Variants in POFUT1 observed in about 807,000 individuals in gnomAD.
POFUT1 encodes protein O-fucosyltransferase 1.
In POFUT1, 16 loss-of-function variants were observed where a neutral mutation model predicts 42.4. The ratio of observed to expected loss-of-function variants is 0.38; its 90% CI spans 0.26 to 0.57. The LOEUF is 0.57. Among genes scored for constraint, POFUT1 ranks in the 20% least tolerant of loss-of-function variants. The pLI is 0.71. For missense variants in POFUT1, 470 were observed against 504.6 expected (o/e 0.93, Z 0.66); for synonymous variants, 206 against 205.4 (o/e 1.00, Z -0.03).
At chr20:32,209,749 A>G (rs767886746) in intron 1 of POFUT1, among the ~76,000 whole-genome samples, 3 of 152,344 alleles carry the variant, frequency 2.0e-5, no homozygotes, top group South Asian at 4.1e-4. Flanking sequence ...TTGCCCGTCC[A>G]TGTGCAGGTG....
intron 4 of POFUT1, among the ~76,000 whole-genome samples, chr20:32,221,287 CAG>C (rs2047389815): frequency 6.6e-6 from 1 of 152,164 alleles, no homozygotes; most frequent in African/African-American, 2.4e-5. Context: ...AGAATGGAAT[CAG>C]AGAGTGAAGC....
intron 6 of POFUT1, among the ~76,000 whole-genome samples, chr20:32,231,697 G>A (rs920461989): frequency 3.9e-5 from 6 of 152,186 alleles, no homozygotes; most frequent in Admixed American, 2.6e-4. Flanking sequence ...GGACTGAATA[G>A]TACCTATCTC....
intron 2 of POFUT1, 144 bp downstream of exon 2, chr20:32,210,336 A>G (rs2047320876): frequency 2.5e-6 from 2 of 795,456 alleles, no homozygotes; most frequent in Admixed American, 1.9e-5. Flanking sequence ...CACTGCAATA[A>G]CAATGCCTAA....
intron 4 of POFUT1, among the ~76,000 whole-genome samples, chr20:32,227,002 G>T (rs2047417744): frequency 6.6e-6 from 1 of 152,140 alleles, no homozygotes; most frequent in Admixed American, 6.6e-5. Context: ...ATGCCTAACT[G>T]CCAAACTGTT....
In POFUT1 at chr20:32,228,468, T is replaced by G. The variant is rs891779880; in HGVS notation, c.735+13T>G. On this transcript the variant is annotated intron_variant, in intron 5 of 6. Coordinates refer to ENST00000375749, the MANE Select transcript of POFUT1 (RefSeq NM_015352.2). ...TGGCTCTGACTGGGTAACTTCCCCC[T>G]TCCTCTCTCACTGGCTAACTTGGAT... is the stretch of plus-strand genomic sequence containing the variant. 2 of 1,610,900 alleles carry G rather than the reference T, an allele frequency of 1.2e-6. No individual in the cohort carries two copies. Among genetic ancestry groups the G allele is most frequent in the Admixed American group, 3.3e-5 (2 of 59,926 alleles).
At chr20:32,226,450 G>A (rs1379771478) in intron 4 of POFUT1, among the ~76,000 whole-genome samples, 1 of 138,420 alleles carries the variant, frequency 7.2e-6, no homozygotes, top group African/African-American at 3.1e-5. Context: ...GTGAGTGCAT[G>A]CCTGTGTGTG....
At chr20:32,231,756 C>G (rs939231848) in intron 6 of POFUT1, among the ~76,000 whole-genome samples, 2 of 152,112 alleles carry the variant, frequency 1.3e-5, no homozygotes, top group Non-Finnish European at 2.9e-5. Flanking sequence ...ACAGTTCCTG[C>G]TACAAAATAA....
intron 4 of POFUT1, chr20:32,223,778 C>T (rs570091099): frequency 1.2e-6 from 1 of 823,806 alleles, no homozygotes; most frequent in African/African-American, 1.8e-5. Flanking sequence ...GGCTGGGAAT[C>T]AGAAGATTAA....
Position 32,234,681 on chromosome 20 carries a change from C to G in POFUT1, c.*20C>G, listed in dbSNP as rs919249163. On this transcript the variant is annotated 3_prime_UTR_variant, in exon 7 of 7. Coordinates refer to ENST00000375749, the MANE Select transcript of POFUT1 (RefSeq NM_015352.2). ...TTCTGATTCTGGCCGGAGCACCAGA[C>G]CCTCTGATCCTGGAGGGACCAGAGT... is the stretch of plus-strand genomic sequence containing the variant. 1 of 1,582,510 alleles carries G rather than the reference C, an allele frequency of 6.3e-7. No homozygotes were observed. The highest frequency in any genetic ancestry group is 8.6e-7 in the Non-Finnish European group (1 of 1,162,582).
intron 2 of POFUT1, among the ~76,000 whole-genome samples, chr20:32,210,562 G>C (rs887530166): frequency 4.6e-5 from 7 of 152,180 alleles, no homozygotes; most frequent in Non-Finnish European, 1.0e-4. Flanking sequence ...TTCCCTGATT[G>C]GTCCTACCCT....
At chr20:32,223,075 C>T (rs936611723) in intron 4 of POFUT1, 16 of 985,290 alleles carry the variant, frequency 1.6e-5, no homozygotes, top group Non-Finnish European at 1.2e-6. Context: ...ATACTGGACA[C>T]ATAAATGGAT....
intron 4 of POFUT1, among the ~76,000 whole-genome samples, chr20:32,221,868 T>C (rs922072478): frequency 6.6e-6 from 1 of 152,182 alleles, no homozygotes; most frequent in Non-Finnish European, 1.5e-5. Flanking sequence ...GCTACAAGTC[T>C]AGGTGTGTCA....
chr20:32,222,570 T>C (rs2047396127), intron 4 of POFUT1: 2 of 984,078 alleles, frequency 2.0e-6, no homozygotes, highest in Non-Finnish European at 2.4e-6. Context: ...TGTCTGTCTT[T>C]CTTTTTCTTT....
chr20:32,215,468 CG>C lies in POFUT1; in HGVS notation c.429+22del, dbSNP rs1569152554. ...CCCATGAAGGTGGGTCCTGTGGGTT[CG>C]GGGGCCCTTTCTTCCTGTTCCATGT... is the stretch of plus-strand genomic sequence containing the variant. On this transcript the variant is annotated intron_variant, in intron 3 of 6. Transcript: ENST00000375749. 6.3e-7 allele frequency: 1 copy of C among 1,592,848 alleles called. No individual in the cohort carries two copies. Among genetic ancestry groups the C allele is most frequent in the Middle Eastern group, 2.1e-4 (1 of 4,754 alleles).
At chr20:32,220,452 T>C (rs978872748) in intron 4 of POFUT1, among the ~76,000 whole-genome samples, 2 of 152,168 alleles carry the variant, frequency 1.3e-5, no homozygotes, top group Non-Finnish European at 2.9e-5. Context: ...ATCTAAAGGC[T>C]TGACCAAGGC....
At chr20:32,222,773 T>C (rs2047397117) in intron 4 of POFUT1, 6 of 985,358 alleles carry the variant, frequency 6.1e-6, no homozygotes, top group Non-Finnish European at 7.2e-6. Context: ...CTAATTCAGC[T>C]GACGCTTACT....
At chr20:32,217,500 A>G (rs1452363525) in intron 4 of POFUT1, 1 of 989,370 alleles carries the variant, frequency 1.0e-6, no homozygotes, top group Admixed American at 5.9e-5. Context: ...TAATCCCAGC[A>G]CTTTGGGAGG....
chr20:32,209,596 A>G (rs2047315707), intron 1 of POFUT1, among the ~76,000 whole-genome samples: 1 of 152,234 alleles, frequency 6.6e-6, no homozygotes, highest in Non-Finnish European at 1.5e-5. Context: ...GGAATCAGCC[A>G]GTACGAAGGC....
rs751153243 is a variant in POFUT1 at position 32,236,072 on chromosome 20, C to T, written c.*1411C>T. 6.6e-6 allele frequency: 1 copy of T among 152,262 alleles called. No homozygotes were observed. Among genetic ancestry groups the T allele is most frequent in the Non-Finnish European group, 1.5e-5 (1 of 68,086 alleles). 9.4% of individuals were successfully genotyped at this position (152,262 alleles called of 1,614,324 possible). On this transcript the variant is annotated 3_prime_UTR_variant, in exon 7 of 7. Coordinates refer to ENST00000375749, the MANE Select transcript of POFUT1 (RefSeq NM_015352.2). Reference sequence around the variant, plus strand: ...CCAACTCTAAGCAGGAGAAACTGTACAGAAAGGGCTTTGCTATTTTTCCCT... The same window carrying T: ...CCAACTCTAAGCAGGAGAAACTGTATAGAAAGGGCTTTGCTATTTTTCCCT...
Sources: gnomAD v4.1 joint callset for allele counts (sites outside exome capture counted in the v4.1 genomes callset) on GRCh38, gnomAD v4.1.1 for gene constraint, MANE v1.5 for transcripts, NCBI Gene and HGNC (gene_info 2026-07-23, HGNC 2026-07-21) for gene names.